TAS2R1: variants seen among roughly 807,000 people sequenced by gnomAD.
The protein encoded by TAS2R1 is taste receptor type 2 member 1.
For missense variants in TAS2R1, 370 were observed against 353.4 expected (o/e 1.05, Z -0.38); for synonymous variants, 141 against 134.2 (o/e 1.05, Z -0.35).
chr5:9,722,475 C>T, the TAS2R1 span, among the ~76,000 whole-genome samples: 5 of 152,132 alleles, frequency 3.3e-5, no homozygotes, highest in Non-Finnish European at 7.3e-5. Flanking sequence ...CTGGAGAAAC[C>T]CAATGGATCT....
At chr5:9,664,024 C>T (rs1203622546) in intron 1 of TAS2R1, among the ~76,000 whole-genome samples, 1 of 152,178 alleles carries the variant, frequency 6.6e-6, no homozygotes, top group Admixed American at 6.5e-5. Context: ...TTTTGGACTT[C>T]TCATCTCCAG....
chr5:9,730,189 A>G, the TAS2R1 span, among the ~76,000 whole-genome samples: 4 of 152,220 alleles, frequency 2.6e-5, no homozygotes, highest in Non-Finnish European at 5.9e-5. Context: ...TGGATTCCAC[A>G]TGTTACTGAG....
At chr5:9,684,686 G>A (rs184225097) in intron 1 of TAS2R1, among the ~76,000 whole-genome samples, 6 of 152,166 alleles carry the variant, frequency 3.9e-5, no homozygotes, top group Admixed American at 3.3e-4. Flanking sequence ...CACCCAGCTA[G>A]TATATTTCAA....
the TAS2R1 span, among the ~76,000 whole-genome samples, chr5:9,768,597 T>C: frequency 6.6e-6 from 1 of 152,106 alleles, no homozygotes; most frequent in Non-Finnish European, 1.5e-5. Context: ...CTCCATCCCC[T>C]CCTTCTCCAA....
the TAS2R1 span, among the ~76,000 whole-genome samples, chr5:9,725,687 C>G: frequency 6.6e-6 from 1 of 152,138 alleles, no homozygotes; most frequent in South Asian, 2.1e-4. Context: ...CCAGCCCCAC[C>G]GACCACCCAA....
the TAS2R1 span, among the ~76,000 whole-genome samples, chr5:9,887,572 A>G: frequency 6.6e-6 from 1 of 152,180 alleles, no homozygotes; most frequent in Non-Finnish European, 1.5e-5. Context: ...TGTATCACAC[A>G]TGGTGACCCA....
At chr5:9,720,071 T>G in the TAS2R1 span, among the ~76,000 whole-genome samples, 17 of 152,214 alleles carry the variant, frequency 1.1e-4, no homozygotes, top group African/African-American at 3.6e-4. Context: ...AGATTCCTTA[T>G]TTAGATCTCA....
At chr5:9,865,853 A>G in the TAS2R1 span, among the ~76,000 whole-genome samples, 1 of 152,208 alleles carries the variant, frequency 6.6e-6, no homozygotes. Context: ...GGTGTTCAAA[A>G]ATGACAGTGA....
chr5:9,656,109 G>T (rs1424007671), intron 2 of TAS2R1, among the ~76,000 whole-genome samples: 1 of 152,102 alleles, frequency 6.6e-6, no homozygotes, highest in Non-Finnish European at 1.5e-5. Context: ...AATCAGTTCT[G>T]TAAGGGCAAT....
chr5:9,676,292 A>G (rs1740873437), intron 1 of TAS2R1, among the ~76,000 whole-genome samples: 1 of 152,168 alleles, frequency 6.6e-6, no homozygotes, highest in Non-Finnish European at 1.5e-5. Context: ...TGGAAATGCC[A>G]AAGACAGAAT....
At chr5:9,750,252 G>C in the TAS2R1 span, among the ~76,000 whole-genome samples, 1 of 152,106 alleles carries the variant, frequency 6.6e-6, no homozygotes, top group Non-Finnish European at 1.5e-5. Flanking sequence ...CTGCATTCTT[G>C]TACTTGCTCC....
At chr5:9,859,949 G>A in the TAS2R1 span, among the ~76,000 whole-genome samples, 1 of 152,224 alleles carries the variant, frequency 6.6e-6, no homozygotes, top group Admixed American at 6.5e-5. Context: ...GTGCATTGTT[G>A]TAAAATATTA....
chr5:9,700,617 G>GT (rs1324591816), intron 1 of TAS2R1, among the ~76,000 whole-genome samples: 12 of 152,154 alleles, frequency 7.9e-5, no homozygotes, highest in Non-Finnish European at 1.3e-4. Context: ...TAGGACACCC[G>GT]TAACAAAGTA....
chr5:9,738,399 G>C, the TAS2R1 span, among the ~76,000 whole-genome samples: 2 of 152,114 alleles, frequency 1.3e-5, no homozygotes, highest in Admixed American at 6.5e-5. Context: ...GAAGTGGAGG[G>C]AGAAGGGAGG....
chr5:9,745,279 A>ACCGTT, the TAS2R1 span, among the ~76,000 whole-genome samples: 1 of 152,194 alleles, frequency 6.6e-6, no homozygotes, highest in African/African-American at 2.4e-5. Context: ...GTGAAAGACA[A>ACCGTT]CCGTTCAGTA....
chr5:9,710,882 T>TAC (rs1446696708), intron 1 of TAS2R1, among the ~76,000 whole-genome samples: 55 of 96,712 alleles, frequency 5.7e-4, no homozygotes, highest in Non-Finnish European at 7.6e-4. Flanking sequence ...TATATATGCA[T>TAC]ACACACACAC....
chr5:9,722,205 C>A, the TAS2R1 span, among the ~76,000 whole-genome samples: 4 of 152,216 alleles, frequency 2.6e-5, no homozygotes, highest in African/African-American at 9.7e-5. Context: ...GCCAAGAGGA[C>A]CCCCCACAGG....
chr5:9,709,727 G>T (rs1265218923), intron 1 of TAS2R1, among the ~76,000 whole-genome samples: 1 of 152,200 alleles, frequency 6.6e-6, no homozygotes, highest in African/African-American at 2.4e-5. Flanking sequence ...GATCTTGGAG[G>T]TGAATCCCCA....
At chr5:9,889,439 A>G in the TAS2R1 span, among the ~76,000 whole-genome samples, 1 of 152,196 alleles carries the variant, frequency 6.6e-6, no homozygotes, top group African/African-American at 2.4e-5. Context: ...CAGCCCAGCT[A>G]TGGCTAAAAA....
Sources: allele counts gnomAD v4.1 joint callset (sites outside exome capture counted in the v4.1 genomes callset), GRCh38; gene constraint gnomAD v4.1.1; transcripts MANE v1.5; gene names NCBI Gene and HGNC (gene_info 2026-07-23, HGNC 2026-07-21).